The following SLC71A2 variants were observed in gnomAD, a reference collection of about 807,000 sequenced individuals.
The protein encoded by SLC71A2 is solute carrier family 71 member 2.
At chr9:94,458,581 G>A in the SLC71A2 span, 2 of 1,012,338 alleles carry the variant, frequency 2.0e-6, no homozygotes, top group Non-Finnish European at 3.0e-6. Flanking sequence ...TTATTTGGCA[G>A]CAATAAGTAT....
the SLC71A2 span, chr9:94,415,342 T>C: frequency 1.3e-4 from 117 of 929,504 alleles, no homozygotes; most frequent in Middle Eastern, 1.7e-3. Flanking sequence ...GATACGTGTT[T>C]GGGAGTAGCT....
chr9:94,398,779 CT>C, the SLC71A2 span, among the ~76,000 whole-genome samples: 1 of 137,656 alleles, frequency 7.3e-6, no homozygotes, highest in African/African-American at 2.8e-5. Context: ...AAATTCCAGC[CT>C]TTGCATAAGG....
chr9:94,460,858 C>A, the SLC71A2 span: 1 of 152,092 alleles, frequency 6.6e-6, no homozygotes, highest in South Asian at 2.1e-4. Context: ...TATCTTTTTA[C>A]TATGCTATTG....
the SLC71A2 span, among the ~76,000 whole-genome samples, chr9:94,447,232 T>G: frequency 6.6e-6 from 1 of 151,390 alleles, no homozygotes; most frequent in South Asian, 2.1e-4. Flanking sequence ...CAGGCTGGAG[T>G]GCAATGGCAC....
At chr9:94,429,234 C>T in the SLC71A2 span, 1 of 1,603,864 alleles carries the variant, frequency 6.2e-7, no homozygotes, top group Non-Finnish European at 8.5e-7. Context: ...CATGAATGGT[C>T]TCATTCAAGG....
the SLC71A2 span, among the ~76,000 whole-genome samples, chr9:94,379,493 G>A: frequency 7.0e-6 from 1 of 143,594 alleles, no homozygotes; most frequent in Admixed American, 7.0e-5. Flanking sequence ...GGGTTCAAAT[G>A]ATCCTCCTGC....
chr9:94,436,542 T>A, the SLC71A2 span, among the ~76,000 whole-genome samples: 1 of 152,228 alleles, frequency 6.6e-6, no homozygotes, highest in African/African-American at 2.4e-5. Flanking sequence ...ATAATCCTTC[T>A]TTTGTACGAG....
the SLC71A2 span, among the ~76,000 whole-genome samples, chr9:94,385,659 T>C: frequency 6.6e-6 from 1 of 152,196 alleles, no homozygotes. Context: ...CAAAATCAGT[T>C]GGCCATACAT....
chr9:94,406,550 A>C, the SLC71A2 span, among the ~76,000 whole-genome samples: 1 of 152,060 alleles, frequency 6.6e-6, no homozygotes, highest in Non-Finnish European at 1.5e-5. Context: ...TTTTTTGATT[A>C]TTAGTAGAGA....
the SLC71A2 span, among the ~76,000 whole-genome samples, chr9:94,392,569 C>T: frequency 4.6e-5 from 7 of 151,144 alleles, no homozygotes; most frequent in African/African-American, 1.2e-4. Flanking sequence ...GGTGTGATCT[C>T]GGCTTACTGC....
chr9:94,452,085 A>G, the SLC71A2 span, among the ~76,000 whole-genome samples: 1 of 152,272 alleles, frequency 6.6e-6, no homozygotes. Context: ...TATTTGTCGT[A>G]ACCTCTGCTG....
At chr9:94,391,923 G>T in the SLC71A2 span, among the ~76,000 whole-genome samples, 1 of 151,818 alleles carries the variant, frequency 6.6e-6, no homozygotes. Context: ...TCACTAAATT[G>T]CCCAGGCTGG....
the SLC71A2 span, among the ~76,000 whole-genome samples, chr9:94,418,854 A>G: frequency 3.3e-5 from 5 of 151,098 alleles, no homozygotes; most frequent in East Asian, 1.9e-4. Flanking sequence ...TCAGTCTCCA[A>G]AAGTGCTGGG....
At chr9:94,378,711 C>A in the SLC71A2 span, among the ~76,000 whole-genome samples, 29 of 152,156 alleles carry the variant, frequency 1.9e-4, no homozygotes, top group Non-Finnish European at 4.3e-4. Context: ...GATCAGCCCC[C>A]ATGACCCAAA....
At chr9:94,377,912 C>T in the SLC71A2 span, among the ~76,000 whole-genome samples, 1 of 152,192 alleles carries the variant, frequency 6.6e-6, no homozygotes, top group Middle Eastern at 3.4e-3. Flanking sequence ...CAAGACCATC[C>T]TGGCCAACAT....
chr9:94,377,936 C>G, the SLC71A2 span, among the ~76,000 whole-genome samples: 3 of 152,016 alleles, frequency 2.0e-5, no homozygotes, highest in Admixed American at 6.6e-5. Context: ...GAAATCCTGT[C>G]TCTATAAAAA....
the SLC71A2 span, chr9:94,456,394 A>C: frequency 8.0e-6 from 11 of 1,371,846 alleles, no homozygotes; most frequent in Non-Finnish European, 1.0e-5. Context: ...TCCCTGCTAG[A>C]AGCAGGAGCA....
At chr9:94,452,898 G>A in the SLC71A2 span, among the ~76,000 whole-genome samples, 1 of 151,568 alleles carries the variant, frequency 6.6e-6, no homozygotes, top group Non-Finnish European at 1.5e-5. Flanking sequence ...TATATTTTAT[G>A]GTACTGCCTA....
At chr9:94,403,198 G>A in the SLC71A2 span, among the ~76,000 whole-genome samples, 2 of 152,040 alleles carry the variant, frequency 1.3e-5, no homozygotes, top group East Asian at 1.9e-4. Context: ...GTGCAATGGC[G>A]CGATCTCGGC....
Sources: gnomAD v4.1 joint callset for allele counts (sites outside exome capture counted in the v4.1 genomes callset) on GRCh38, gnomAD v4.1.1 for gene constraint, MANE v1.5 for transcripts, NCBI Gene and HGNC (gene_info 2026-07-23, HGNC 2026-07-21) for gene names.